Variants in MYT1L observed in about 807,000 individuals in gnomAD.
The protein encoded by MYT1L is myelin transcription factor 1-like protein.
A neutral mutation model predicts 126.7 loss-of-function variants in MYT1L; 12 were observed. That is an observed-to-expected ratio of 0.09 (90% CI 0.06 to 0.15). The LOEUF is 0.15. MYT1L is among the 10% of genes least tolerant of loss of function. MYT1L has a pLI of 1.00. For missense variants in MYT1L, 979 were observed against 1,585.2 expected, an observed-to-expected ratio of 0.62 and a Z score of 6.49; for synonymous variants, 541 against 604.2, an observed-to-expected ratio of 0.90 and a Z score of 1.53.
At chr2:1,860,311 C>CAAA (rs879771594) in intron 18 of MYT1L, among the ~76,000 whole-genome samples, 1 of 148,082 alleles carries the variant, frequency 6.8e-6, no homozygotes, top group East Asian at 2.0e-4. Flanking sequence ...AGGACCCATG[C>CAAA]AAAAAAAAAA....
At chr2:1,863,409 G>A (rs1190108602) in intron 18 of MYT1L, among the ~76,000 whole-genome samples, 1 of 152,196 alleles carries the variant, frequency 6.6e-6, no homozygotes, top group Non-Finnish European at 1.5e-5. Flanking sequence ...GCTTACAAGA[G>A]CAAAACAACA....
intron 8 of MYT1L, among the ~76,000 whole-genome samples, chr2:1,977,285 C>G (rs1435919713): frequency 1.3e-5 from 2 of 152,102 alleles, no homozygotes; most frequent in Non-Finnish European, 2.9e-5. Flanking sequence ...AACTTGTTTT[C>G]AAATCAAACT....
chr2:1,828,982 T>A (rs2039741327), intron 21 of MYT1L, among the ~76,000 whole-genome samples: 1 of 152,138 alleles, frequency 6.6e-6, no homozygotes, highest in Admixed American at 6.5e-5. Flanking sequence ...GAGTGAGAAC[T>A]GAAGTGGTGG....
At chr2:2,272,220 G>A (rs577569151) in intron 2 of MYT1L, among the ~76,000 whole-genome samples, 5 of 152,106 alleles carry the variant, frequency 3.3e-5, no homozygotes, top group South Asian at 2.1e-4. Context: ...AGTCAAAGAC[G>A]ACAGGCACCC....
chr2:2,319,537 G>A (rs533610156), intron 1 of MYT1L, among the ~76,000 whole-genome samples: 6 of 152,208 alleles, frequency 3.9e-5, no homozygotes, highest in South Asian at 2.1e-4. Context: ...GAAATCATAC[G>A]TGCCGTTGAA....
At position 1,811,740 on chromosome 2, in the gene MYT1L, C is replaced by T. The variant is rs539614786; in HGVS notation, c.3081-2573G>A. 1.8e-4 allele frequency among the ~76,000 whole-genome samples: 27 copies of T among 152,220 alleles called. 1 individual carries two copies. The South Asian group carries it at 4.4e-3, about 25-fold the overall frequency. On this transcript the variant is annotated intron_variant, in intron 21 of 24. Transcript: ENST00000647738. This position sits in a 1 kb window ranked among gnomAD's most constrained non-coding sequence, Gnocchi z 4.4. ...AGCTGTCTTTAGTGTGGGGCGTGAA[C>T]GAACCCCTCGCGTTCCGGAGGGAAC...
At chr2:2,121,223 G>A (rs1389307795) in intron 3 of MYT1L, among the ~76,000 whole-genome samples, 1 of 152,246 alleles carries the variant, frequency 6.6e-6, no homozygotes, top group Non-Finnish European at 1.5e-5. Context: ...CCAGGCTGGA[G>A]TGCAACGGCG....
chr2:1,813,511 C>T (rs1307640133), intron 21 of MYT1L, among the ~76,000 whole-genome samples: 1 of 152,184 alleles, frequency 6.6e-6, no homozygotes, highest in East Asian at 1.9e-4. Context: ...CTGTGAGGAA[C>T]CGGGCCGTAC....
At chr2:1,814,021 C>T (rs2037207163) in intron 21 of MYT1L, among the ~76,000 whole-genome samples, 1 of 130,348 alleles carries the variant, frequency 7.7e-6, no homozygotes, top group Non-Finnish European at 1.6e-5. Flanking sequence ...AGCGAGACTC[C>T]GTCCCCAAAA....
At chr2:2,253,337 G>A (rs1410046325) in intron 2 of MYT1L, among the ~76,000 whole-genome samples, 1 of 152,182 alleles carries the variant, frequency 6.6e-6, no homozygotes, top group African/African-American at 2.4e-5. Context: ...TGAGGAGAGC[G>A]TTAGGCGCTT....
chr2:2,220,413 A>G (rs2148978269), intron 2 of MYT1L, among the ~76,000 whole-genome samples: 1 of 152,232 alleles, frequency 6.6e-6, no homozygotes, highest in South Asian at 2.1e-4. Context: ...GGATCAATAG[A>G]AGGGAAATGT....
At chr2:1,890,119 G>C (rs565185658) in intron 15 of MYT1L, among the ~76,000 whole-genome samples, 13 of 151,142 alleles carry the variant, frequency 8.6e-5, no homozygotes, top group African/African-American at 3.2e-4. Context: ...ATCCAGGCTG[G>C]AGTGCAGTGG....
intron 2 of MYT1L, among the ~76,000 whole-genome samples, chr2:2,240,558 C>G (rs564335181): frequency 2.0e-5 from 3 of 152,250 alleles, no homozygotes; most frequent in Admixed American, 1.3e-4. Flanking sequence ...TATAGTAACA[C>G]AAATTAAAAT....
Position 2,144,104 on chromosome 2 carries a change from A to G in MYT1L, c.-304+28768T>C, listed in dbSNP as rs934301010. On this transcript the variant is annotated intron_variant, in intron 3 of 24. Transcript: ENST00000647738. ...CATGTACCCCCTAAAATCTAAAATA[A>G]AAGTTGAAGTTATGGTTTACAAAAT... 4.6e-5 allele frequency among the ~76,000 whole-genome samples: 7 copies of G among 152,150 alleles called. No individual in the cohort carries two copies. In the South Asian group the frequency reaches 8.3e-4, roughly 18 times the overall value.
chr2:1,979,875 T>C lies in MYT1L; in HGVS notation c.1-98A>G, dbSNP rs768428549. Reference sequence around the variant, plus strand: ...CTCCCTGGCATTCTATTAATGGGGCTTTAATCCTGTTTCCCTCCATGAAGG... The same window carrying C: ...CTCCCTGGCATTCTATTAATGGGGCCTTAATCCTGTTTCCCTCCATGAAGG... On this transcript the variant is annotated intron_variant, in intron 5 of 24. Transcript: ENST00000647738. The surrounding 1 kb of genome is among the most constrained non-coding windows in gnomAD (Gnocchi z 4.0). The C allele has an allele frequency of 1.4e-5, 17 of 1,217,474 alleles. No homozygotes were observed. The highest frequency in any genetic ancestry group is 1.9e-5 in the Non-Finnish European group (16 of 840,300). 75.4% of individuals were successfully genotyped at this position (1,217,474 alleles called of 1,614,324 possible).
At chr2:2,261,539 A>T (rs1251278290) in intron 2 of MYT1L, among the ~76,000 whole-genome samples, 1 of 152,182 alleles carries the variant, frequency 6.6e-6, no homozygotes, top group Non-Finnish European at 1.5e-5. Flanking sequence ...AGTCCTCAAA[A>T]CTTCTATCAA....
At chr2:2,051,072 T>C (rs747199827) in intron 4 of MYT1L, among the ~76,000 whole-genome samples, 9 of 152,116 alleles carry the variant, frequency 5.9e-5, no homozygotes, top group Non-Finnish European at 1.3e-4. Context: ...TTCCATCTGA[T>C]AGGGTAAGAA....
chr2:1,960,582 C>T (rs1177870841), intron 8 of MYT1L, among the ~76,000 whole-genome samples: 1 of 152,232 alleles, frequency 6.6e-6, no homozygotes, highest in Non-Finnish European at 1.5e-5. Context: ...CCAGACTCGT[C>T]TTAGTCTCCT....
intron 1 of MYT1L, among the ~76,000 whole-genome samples, chr2:2,293,166 G>C (rs2095624130): frequency 1.3e-5 from 2 of 152,186 alleles, no homozygotes; most frequent in South Asian, 4.1e-4. Flanking sequence ...GTTGACATCA[G>C]GTGCCACTGG....
Sources: allele counts gnomAD v4.1 joint callset (sites outside exome capture counted in the v4.1 genomes callset), GRCh38; gene constraint gnomAD v4.1.1; non-coding constraint Gnocchi (gnomAD v3.1); transcripts MANE v1.5; gene names NCBI Gene and HGNC (gene_info 2026-07-23, HGNC 2026-07-21).